ADARB2: variants seen among roughly 807,000 people sequenced by gnomAD.
ADARB2 encodes inactive double-stranded RNA-specific editase B2.
A neutral mutation model predicts 62.2 loss-of-function variants in ADARB2; 25 were observed. The observed-to-expected ratio is 0.40, with a 90% CI of 0.29 to 0.56. ADARB2 has a LOEUF of 0.56. Ranked by LOEUF, ADARB2 falls within the 20% of genes least tolerant of loss-of-function variation. The probability of loss-of-function intolerance (pLI) is 0.43; values close to 1 mark genes in which losing one functional copy is unlikely to be tolerated. For synonymous variants in ADARB2, 572 were observed against 500.8 expected, an observed-to-expected ratio of 1.14 and a Z score of -1.90; for missense variants, 1,071 against 1,077.4, an observed-to-expected ratio of 0.99 and a Z score of 0.08.
chr10:1,420,607 A>T (rs1344703421), intron 1 of ADARB2, among the ~76,000 whole-genome samples: 10 of 82,672 alleles, frequency 1.2e-4, no homozygotes. Context: ...TCTTCCAGAA[A>T]GAGGGAAAAA....
At position 1,477,181 on chromosome 10, in the gene ADARB2, G is replaced by A. The variant is rs375829127; in HGVS notation, c.101-98021C>T. ...CGCTGGCTTTCTCCTCTGACCCATGGCTAACACCACTTCCTTACAGGAGAA... is the reference window on the plus strand; with the variant it reads ...CGCTGGCTTTCTCCTCTGACCCATGACTAACACCACTTCCTTACAGGAGAA... On this transcript the variant is annotated intron_variant, in intron 1 of 9. Transcript: ENST00000381312. This position sits in a 1 kb window ranked among gnomAD's most constrained non-coding sequence, Gnocchi z 4.5. 1.4e-3 allele frequency among the ~76,000 whole-genome samples: 207 copies of A among 152,276 alleles called. 8 individuals are homozygous for A. The South Asian group carries it at 0.042, about 31-fold the overall frequency.
At chr10:1,634,401 T>C (rs1408432062) in intron 1 of ADARB2, among the ~76,000 whole-genome samples, 4 of 152,138 alleles carry the variant, frequency 2.6e-5, no homozygotes, top group African/African-American at 7.2e-5. Flanking sequence ...GAACTGGCTG[T>C]TCTCAACGCT....
intron 3 of ADARB2, among the ~76,000 whole-genome samples, chr10:1,326,498 C>T (rs1435918320): frequency 2.0e-5 from 3 of 152,206 alleles, no homozygotes; most frequent in East Asian, 1.9e-4. Context: ...TTTCTATGAA[C>T]TCTGAAAAGT....
Position 1,216,960 on chromosome 10 carries a change from T to C in ADARB2, c.1673A>G (p.Lys558Arg). ...EQLITMSCTD[K>R]IARWNVLGLQ... The stretch of plus-strand genomic sequence containing the variant: ...AAGCCGTGGGCCTCACCTGGCGATC[T>C]TGTCCGTGCAGGACATGGTGATCAG... The change falls in exon 7 of 10, where the codon AAG becomes AGG. Residue 558 changes from lysine to arginine, a missense_variant. By Grantham distance (26) the Lys-to-Arg change is conservative. Coordinates refer to ENST00000381312, the MANE Select transcript of ADARB2 (RefSeq NM_018702.4). 1 of 1,607,076 alleles carries C rather than the reference T, an allele frequency of 6.2e-7. No individual in the cohort carries two copies. Among genetic ancestry groups the C allele is most frequent in the Non-Finnish European group, 8.5e-7 (1 of 1,179,550 alleles).
intron 7 of ADARB2, among the ~76,000 whole-genome samples, chr10:1,210,536 A>C (rs969444922): frequency 6.6e-6 from 1 of 152,238 alleles, no homozygotes; most frequent in Non-Finnish European, 1.5e-5. Context: ...TTAGTGGCTG[A>C]GCAGAAGACA....
intron 3 of ADARB2, among the ~76,000 whole-genome samples, chr10:1,275,326 C>G (rs1053029492): frequency 3.3e-5 from 5 of 152,116 alleles, no homozygotes; most frequent in African/African-American, 1.2e-4. Context: ...GACAGTTCCA[C>G]CCACCCCAGC....
At chr10:1,519,253 C>T (rs555871989) in intron 1 of ADARB2, among the ~76,000 whole-genome samples, 2 of 149,338 alleles carry the variant, frequency 1.3e-5, no homozygotes, top group African/African-American at 2.4e-5. Flanking sequence ...TTCCATGTAA[C>T]GTCTGCATGT....
In ADARB2 at chr10:1,468,014, G is replaced by A. The variant is rs117962287; in HGVS notation, c.101-88854C>T. The stretch of plus-strand genomic sequence containing the variant: ...AATCAAAAGTCTAGCCGGCTAATGC[G>A]TGGAGCTTCTGTGCCAGCTATTTAT... On this transcript the variant is annotated intron_variant, in intron 1 of 9. Transcript: ENST00000381312. Among the ~76,000 whole-genome samples the A allele has an allele frequency of 9.9e-3, 1,503 of 152,334 alleles. 42 individuals carry two copies. The East Asian group carries it at 0.1, about 10-fold the overall frequency.
intron 1 of ADARB2, among the ~76,000 whole-genome samples, chr10:1,708,791 C>T (rs926865103): frequency 1.3e-5 from 2 of 152,192 alleles, no homozygotes; most frequent in African/African-American, 4.8e-5. Context: ...ACCACGTCAC[C>T]ATCACATATG....
chr10:1,618,890 C>T (rs1031041477), intron 1 of ADARB2, among the ~76,000 whole-genome samples: 1 of 152,166 alleles, frequency 6.6e-6, no homozygotes, highest in Non-Finnish European at 1.5e-5. Flanking sequence ...AAATTAAACC[C>T]TCTCCTCCAA....
At position 1,626,326 on chromosome 10, in the gene ADARB2, G is replaced by T. The variant is rs4406752; in HGVS notation, c.100+110725C>A. On this transcript the variant is annotated intron_variant, in intron 1 of 9. Coordinates refer to ENST00000381312, the MANE Select transcript of ADARB2 (RefSeq NM_018702.4). ...GGACGCTAACCCCACGTCTGCCCAT[G>T]CTCTCTCCTGCATGGACACAGGCCT... is the stretch of plus-strand genomic sequence containing the variant. 2.7e-5 allele frequency among the ~76,000 whole-genome samples: 2 copies of T among 75,392 alleles called. 1 individual carries two copies. The highest frequency in any genetic ancestry group is 5.6e-5 in the Non-Finnish European group (2 of 35,404). 49.5% of individuals were successfully genotyped at this position (75,392 alleles called of 152,430 possible). A position where few individuals can be genotyped will look rare whatever the true frequency, so the allele number is the denominator to read the frequency against.
chr10:1,481,826 C>A (rs1036840014), intron 1 of ADARB2, among the ~76,000 whole-genome samples: 1 of 143,474 alleles, frequency 7.0e-6, no homozygotes, highest in African/African-American at 2.6e-5. Flanking sequence ...CACTGCACTC[C>A]AGCCTGGACG....
intron 1 of ADARB2, among the ~76,000 whole-genome samples, chr10:1,726,145 C>T (rs1422726248): frequency 2.6e-5 from 4 of 152,210 alleles, no homozygotes; most frequent in Non-Finnish European, 5.9e-5. Context: ...CAAAAATGAG[C>T]AGAGCCTAGG....
At chr10:1,532,439 G>A (rs1053563557) in intron 1 of ADARB2, among the ~76,000 whole-genome samples, 1 of 152,182 alleles carries the variant, frequency 6.6e-6, no homozygotes, top group Non-Finnish European at 1.5e-5. Context: ...GGGGCCTTCG[G>A]TGTGGGCTCC....
At chr10:1,580,798 G>C (rs1211306330) in intron 1 of ADARB2, among the ~76,000 whole-genome samples, 1 of 152,194 alleles carries the variant, frequency 6.6e-6, no homozygotes, top group African/African-American at 2.4e-5. Context: ...CCACTGGTAT[G>C]TTTTCATAGC....
rs1836654691 is a variant in ADARB2, at chr10:1,180,369, TG to T, written c.*2823del. Reference sequence around the variant, plus strand: ...GGCACACCTGGGGCTGTGGGAATCCTGGGACTCGGCCCCCCCAAGCATAGCT... The same window carrying T: ...GGCACACCTGGGGCTGTGGGAATCCTGGACTCGGCCCCCCCAAGCATAGCT... On this transcript the variant is annotated 3_prime_UTR_variant, in exon 10 of 10. Transcript: ENST00000381312. 6.6e-6 allele frequency: 1 copy of T among 150,466 alleles called. No homozygotes were observed. Among genetic ancestry groups the T allele is most frequent in the Non-Finnish European group, 1.5e-5 (1 of 67,666 alleles). The allele number at this position is 150,466 out of a possible 1,614,324, so 9.3% of individuals were successfully genotyped here. A position where few individuals can be genotyped will look rare whatever the true frequency, so the allele number is the denominator to read the frequency against.
In ADARB2 at chr10:1,255,136, A is replaced by C. The variant is rs545872298; in HGVS notation, c.1193-12837T>G. Among the ~76,000 whole-genome samples, 7 of 152,248 alleles carry C rather than the reference A, an allele frequency of 4.6e-5. No homozygotes were observed. Among genetic ancestry groups the C allele is most frequent in the Non-Finnish European group, 1.0e-4 (7 of 68,036 alleles). On this transcript the variant is annotated intron_variant, in intron 4 of 9. Coordinates refer to ENST00000381312, the MANE Select transcript of ADARB2 (RefSeq NM_018702.4). The surrounding 1 kb of genome is among the most constrained non-coding windows in gnomAD (Gnocchi z 4.7). The stretch of plus-strand genomic sequence containing the variant: ...CCCAGTGAGGGAGCAAGCGGGGCCA[A>C]TGCTCTGAGCTCCTCATGGGGCCAA...
chr10:1,275,230 C>T (rs931315403), intron 3 of ADARB2, among the ~76,000 whole-genome samples: 2 of 152,228 alleles, frequency 1.3e-5, no homozygotes, highest in Non-Finnish European at 2.9e-5. Context: ...GAGAGTGATG[C>T]TCAGCTTTCT....
chr10:1,396,686 C>T (rs562486537), intron 1 of ADARB2, among the ~76,000 whole-genome samples: 204 of 146,032 alleles, frequency 1.4e-3, no homozygotes, highest in African/African-American at 5.1e-3. Flanking sequence ...CTTCCTGGGT[C>T]ACCGTCCGTC....
Sources: gnomAD v4.1 joint callset for allele counts (sites outside exome capture counted in the v4.1 genomes callset) on GRCh38, gnomAD v4.1.1 for gene constraint, Gnocchi (gnomAD v3.1) non-coding constraint, MANE v1.5 for transcripts, NCBI Gene and HGNC (gene_info 2026-07-23, HGNC 2026-07-21) for gene names.